Variants in RBFOX1 observed in about 807,000 individuals in gnomAD.
RBFOX1 encodes the protein RNA binding protein fox-1 homolog 1.
Under a neutral mutation model 57.7 loss-of-function variants are expected in RBFOX1, and 8 were observed. The observed-to-expected ratio is 0.14, with a 90% CI of 0.08 to 0.25. The LOEUF is 0.25. RBFOX1 is among the 10% of genes least tolerant of loss of function. RBFOX1 has a pLI of 1.00. For synonymous variants in RBFOX1, 326 were observed against 222.4 expected, an observed-to-expected ratio of 1.47 and a Z score of -4.15; for missense variants, 611 against 548.5, an observed-to-expected ratio of 1.11 and a Z score of -1.14.
At chr16:7,281,949 T>C (rs2095552489) in intron 4 of RBFOX1, among the ~76,000 whole-genome samples, 1 of 152,196 alleles carries the variant, frequency 6.6e-6, no homozygotes, top group Non-Finnish European at 1.5e-5. Context: ...CACTGCAACC[T>C]CTACCTCCTG....
chr16:5,565,524 C>T (rs1458515689), intron 2 of RBFOX1, among the ~76,000 whole-genome samples: 3 of 151,896 alleles, frequency 2.0e-5, no homozygotes, highest in Admixed American at 1.3e-4. Context: ...ACTTGGGAGG[C>T]TGAGGCAGGA....
chr16:6,619,075 G>T (rs2098186220), intron 2 of RBFOX1, among the ~76,000 whole-genome samples: 1 of 152,044 alleles, frequency 6.6e-6, no homozygotes, highest in African/African-American at 2.4e-5. Flanking sequence ...GCTGCAGAGG[G>T]TCAAGGTTGC....
At chr16:6,373,618 T>C (rs537215065) in intron 2 of RBFOX1, among the ~76,000 whole-genome samples, 115 of 152,082 alleles carry the variant, frequency 7.6e-4, no homozygotes, top group Non-Finnish European at 1.5e-3. Flanking sequence ...GTTGGCAAAA[T>C]CTTTGAGTAG....
intron 3 of RBFOX1, among the ~76,000 whole-genome samples, chr16:5,669,195 C>T (rs1596670715): frequency 1.3e-5 from 2 of 152,168 alleles, no homozygotes; most frequent in Admixed American, 1.3e-4. Flanking sequence ...CTAATGATGC[C>T]TCGAGGCATC....
chr16:7,355,805 G>C (rs994002762), intron 4 of RBFOX1, among the ~76,000 whole-genome samples: 16 of 152,186 alleles, frequency 1.1e-4, no homozygotes, highest in African/African-American at 3.9e-4. Flanking sequence ...TTAAGTTTTT[G>C]CCAATCTGTT....
rs939242224 is a variant in RBFOX1 at position 6,638,522 on chromosome 16, C to G, written c.-63-16081C>G. ...GCTTCTGGCATATTAACTTTTACTA[C>G]CATGTTGTCAAACTTAGAAATATTG... On this transcript the variant is annotated intron_variant, in intron 2 of 15. Transcript: ENST00000550418. Among the ~76,000 whole-genome samples, 5 of 152,174 alleles carry G rather than the reference C, an allele frequency of 3.3e-5. No individual in the cohort carries two copies. In the East Asian group the frequency reaches 9.7e-4, roughly 29 times the overall value.
chr16:7,054,683 T>C (rs1252822121), intron 4 of RBFOX1, among the ~76,000 whole-genome samples: 1 of 152,190 alleles, frequency 6.6e-6, no homozygotes, highest in Non-Finnish European at 1.5e-5. Context: ...GAAATCTGTT[T>C]AGTTACCACA....
rs2097024650 is a variant in RBFOX1 at position 6,553,207 on chromosome 16, A to G, written c.-63-101396A>G. Among the ~76,000 whole-genome samples the G allele has an allele frequency of 2.0e-5, 3 of 152,212 alleles. No individual in the cohort carries two copies. In the South Asian group the frequency reaches 6.2e-4, roughly 31 times the overall value. ...ATATTTCTGCAGCTCTTCTCACGCT[A>G]TGGATTTGAGATGTGAACAGGCAAG... On this transcript the variant is annotated intron_variant, in intron 2 of 15. Transcript: ENST00000550418.
chr16:7,672,347 T>C (rs1268941424), intron 13 of RBFOX1, among the ~76,000 whole-genome samples: 1 of 152,216 alleles, frequency 6.6e-6, no homozygotes. Flanking sequence ...TTGTAGGACA[T>C]TACTTTCCCT....
chr16:5,630,758 C>T (rs537711750), intron 3 of RBFOX1, among the ~76,000 whole-genome samples: 2 of 152,264 alleles, frequency 1.3e-5, no homozygotes, highest in Admixed American at 6.5e-5. Context: ...GGGCCAGGCT[C>T]TAACTCTCGC....
chr16:6,518,805 A>G (rs147987842), intron 2 of RBFOX1, among the ~76,000 whole-genome samples: 9,603 of 86,602 alleles, frequency 0.11, 585 homozygotes, highest in African/African-American at 0.23. Context: ...CTGTCTATCT[A>G]TCTATCTATC....
intron 3 of RBFOX1, among the ~76,000 whole-genome samples, chr16:6,918,067 G>A (rs932226091): frequency 1.3e-5 from 2 of 152,030 alleles, no homozygotes; most frequent in African/African-American, 2.4e-5. Context: ...CGGGTGGATC[G>A]CTTGAGGTCA....
At chr16:7,448,983 G>A (rs2098830504) in intron 4 of RBFOX1, among the ~76,000 whole-genome samples, 1 of 136,028 alleles carries the variant, frequency 7.4e-6, no homozygotes, top group Non-Finnish European at 1.5e-5. Context: ...AGGCTGGAGT[G>A]CAATGGCGCG....
intron 4 of RBFOX1, among the ~76,000 whole-genome samples, chr16:7,319,671 G>C (rs2096509292): frequency 2.0e-5 from 3 of 152,172 alleles, no homozygotes; most frequent in African/African-American, 7.2e-5. Context: ...GTTGGTGCCA[G>C]CTCCTTAGTA....
In RBFOX1 at chr16:6,358,431, C is replaced by T. The variant is rs547990277; in HGVS notation, c.-64+41374C>T. Among the ~76,000 whole-genome samples the T allele has an allele frequency of 3.3e-5, 5 of 152,280 alleles. No individual in the cohort carries two copies. The South Asian group carries it at 1.0e-3, about 32-fold the overall frequency. ...TTAGAAAAAGATTAGAAGTTGCCAG[C>T]TTCAACATAATTGTCATTGAGAGGG... On this transcript the variant is annotated intron_variant, in intron 2 of 15. Coordinates refer to ENST00000550418, the MANE Select transcript of RBFOX1 (RefSeq NM_018723.4).
intron 4 of RBFOX1, among the ~76,000 whole-genome samples, chr16:7,285,794 C>G (rs749747013): frequency 1.4e-4 from 22 of 152,312 alleles, no homozygotes; most frequent in Non-Finnish European, 2.9e-4. Context: ...TGATGGACAT[C>G]TGGACTAACT....
chr16:6,992,988 A>G (rs138992770), intron 3 of RBFOX1, among the ~76,000 whole-genome samples: 3 of 152,300 alleles, frequency 2.0e-5, no homozygotes, highest in Non-Finnish European at 2.9e-5. Context: ...CATAAAGCCG[A>G]GAGCCTGACC....
intron 2 of RBFOX1, among the ~76,000 whole-genome samples, chr16:6,362,063 A>G (rs184841804): frequency 3.3e-5 from 5 of 152,302 alleles, no homozygotes; most frequent in South Asian, 2.1e-4. Context: ...TTCTGACTCA[A>G]TAGAAATCAG....
At chr16:7,606,360 A>G (rs549621323) in intron 9 of RBFOX1, among the ~76,000 whole-genome samples, 2 of 151,982 alleles carry the variant, frequency 1.3e-5, no homozygotes, top group South Asian at 2.1e-4. Flanking sequence ...TGACCTCGTG[A>G]TCTCCCTGCC....
Sources: gnomAD v4.1 joint callset for allele counts (sites outside exome capture counted in the v4.1 genomes callset) on GRCh38, gnomAD v4.1.1 for gene constraint, MANE v1.5 for transcripts, NCBI Gene and HGNC (gene_info 2026-07-23, HGNC 2026-07-21) for gene names.